The following KDM3B variants were observed in gnomAD, a reference collection of about 807,000 sequenced individuals.
KDM3B encodes the protein lysine demethylase 3B.
In KDM3B, 10 loss-of-function variants were observed where a neutral mutation model predicts 170.0. That is an observed-to-expected ratio of 0.06 (90% CI 0.04 to 0.10). KDM3B has a LOEUF of 0.10. Ranked by LOEUF, KDM3B falls within the 10% of genes least tolerant of loss-of-function variation. The pLI, the probability that KDM3B is intolerant of heterozygous loss-of-function variation, is 1.00. For synonymous variants in KDM3B, 831 were observed against 834.8 expected (o/e 1.00, Z 0.08); for missense variants, 1,394 against 2,195.2 (o/e 0.64, Z 7.29).
chr5:138,416,467 T>G (rs1302674865), intron 12 of KDM3B, among the ~76,000 whole-genome samples: 1 of 151,594 alleles, frequency 6.6e-6, no homozygotes, highest in Non-Finnish European at 1.5e-5. Flanking sequence ...TAAGCGCCTG[T>G]AATCCCAACT....
At chr5:138,362,967 A>G (rs780704175) in intron 1 of KDM3B, among the ~76,000 whole-genome samples, 13 of 151,546 alleles carry the variant, frequency 8.6e-5, no homozygotes, top group Non-Finnish European at 1.8e-4. Flanking sequence ...CTATAGAAAT[A>G]TAAGAAAACT....
chr5:138,421,254 A>G (rs1209959185), intron 15 of KDM3B, among the ~76,000 whole-genome samples: 1 of 152,116 alleles, frequency 6.6e-6, no homozygotes, highest in Non-Finnish European at 1.5e-5. Flanking sequence ...TTTAACCTGG[A>G]CAGTACATTT....
chr5:138,433,108 T>A (rs1289115314), intron 23 of KDM3B, among the ~76,000 whole-genome samples: 1 of 149,796 alleles, frequency 6.7e-6, no homozygotes, highest in Non-Finnish European at 1.5e-5. Context: ...GATGCACTTT[T>A]CCTTTCTTTT....
chr5:138,378,094 CTG>C (rs1243693611), intron 4 of KDM3B, among the ~76,000 whole-genome samples: 2 of 152,138 alleles, frequency 1.3e-5, no homozygotes, highest in East Asian at 1.9e-4. Context: ...AGAGGTGAGA[CTG>C]TGTTATTCTG....
At chr5:138,403,877 A>C (rs1762752883) in intron 11 of KDM3B, among the ~76,000 whole-genome samples, 2 of 151,844 alleles carry the variant, frequency 1.3e-5, no homozygotes, top group Non-Finnish European at 1.5e-5. Context: ...CATCTTATAA[A>C]TATGATTAAG....
intron 11 of KDM3B, among the ~76,000 whole-genome samples, chr5:138,402,456 T>C (rs1480648402): frequency 6.6e-6 from 1 of 152,212 alleles, no homozygotes; most frequent in African/African-American, 2.4e-5. Flanking sequence ...AGTTACTTAA[T>C]CCTGCAGAGC....
At chr5:138,389,273 G>A (rs992198808) in intron 7 of KDM3B, among the ~76,000 whole-genome samples, 7 of 152,198 alleles carry the variant, frequency 4.6e-5, no homozygotes, top group Non-Finnish European at 7.4e-5. Context: ...AGTCTCTGTA[G>A]CAGAGACAGA....
chr5:138,410,063 G>A (rs1176996335), intron 11 of KDM3B, among the ~76,000 whole-genome samples: 2 of 151,698 alleles, frequency 1.3e-5, no homozygotes, highest in Non-Finnish European at 2.9e-5. Context: ...CTCTAGCCTG[G>A]GCAATGAGCG....
Position 138,424,195 on chromosome 5 carries a change from G to A in KDM3B, c.4093G>A (p.Glu1365Lys), listed in dbSNP as rs576572451. ...CTGCAACTTGACTGATACCCAGAAG[G>A]AAGTGAAGGAGATGGTGATGGGGTT... ...RACNLTDTQKEVKEMVMGLNV... is the reference protein window; with the variant it reads ...RACNLTDTQKKVKEMVMGLNV... The change falls in exon 16 of 24, where the codon GAA becomes AAA. Residue 1365 changes from glutamate to lysine, a missense_variant. Around this residue, in one of 19 missense-constraint regions of KDM3B, gnomAD observed 137 missense variants for 166.9 expected, o/e 0.82. Coordinates refer to ENST00000314358, the MANE Select transcript of KDM3B (RefSeq NM_016604.4). 2.5e-6 allele frequency: 4 copies of A among 1,614,116 alleles called. No homozygotes were observed. Among genetic ancestry groups the A allele is most frequent in the Non-Finnish European group, 3.4e-6 (4 of 1,180,000 alleles).
intron 15 of KDM3B, among the ~76,000 whole-genome samples, chr5:138,422,536 A>C (rs1333292118): frequency 6.6e-6 from 1 of 152,150 alleles, no homozygotes; most frequent in African/African-American, 2.4e-5. Context: ...GCTACTCGGG[A>C]GGTTGAGGCA....
intron 17 of KDM3B, 37 bp from the exon 18 acceptor site, chr5:138,426,938 C>T (rs1561796085): frequency 1.3e-6 from 2 of 1,505,510 alleles, no homozygotes; most frequent in Admixed American, 1.7e-5. Context: ...ACCAGCCAAA[C>T]CAGCAGATGT....
intron 7 of KDM3B, among the ~76,000 whole-genome samples, chr5:138,390,084 C>T (rs1172148455): frequency 2.0e-5 from 3 of 151,986 alleles, no homozygotes; most frequent in African/African-American, 7.3e-5. Context: ...TGGTCTTGAC[C>T]TCCAGACCTC....
intron 9 of KDM3B, among the ~76,000 whole-genome samples, chr5:138,396,107 C>T (rs1286620596): frequency 6.6e-6 from 1 of 150,954 alleles, no homozygotes; most frequent in Non-Finnish European, 1.5e-5. Flanking sequence ...ATAGACAACT[C>T]TTCTTTTTTT....
intron 9 of KDM3B, among the ~76,000 whole-genome samples, chr5:138,394,464 G>GCT (rs1762503689): frequency 6.6e-6 from 1 of 152,200 alleles, no homozygotes; most frequent in Non-Finnish European, 1.5e-5. Context: ...GGATGCTAGA[G>GCT]AGGCTACAGT....
At chr5:138,398,099 C>A in intron 9 of KDM3B, 79 bp from the exon 10 acceptor site, 1 of 1,080,828 alleles carries the variant, frequency 9.3e-7, no homozygotes, top group Non-Finnish European at 1.4e-6. Context: ...CATTTTACTT[C>A]TGTTTAGGTC....
chr5:138,373,457 T>G (rs1014701777), intron 2 of KDM3B, among the ~76,000 whole-genome samples: 9 of 151,850 alleles, frequency 5.9e-5, no homozygotes, highest in African/African-American at 2.2e-4. Context: ...GGAGTGAAAA[T>G]AGCATTATAA....
intron 9 of KDM3B, among the ~76,000 whole-genome samples, chr5:138,396,708 G>GT (rs985260233): frequency 1.3e-5 from 2 of 152,010 alleles, no homozygotes; most frequent in African/African-American, 4.8e-5. Flanking sequence ...TGTGGAGGTT[G>GT]TTTTCTGGCT....
chr5:138,418,846 T>C (rs1374241778), intron 13 of KDM3B, 107 bp from the exon 14 acceptor site: 2 of 1,055,844 alleles, frequency 1.9e-6, no homozygotes, highest in Non-Finnish European at 2.8e-6. Flanking sequence ...CCAGTTTACA[T>C]GACAGATTAT....
intron 23 of KDM3B, 27 bp downstream of exon 23, chr5:138,431,586 T>C: frequency 6.4e-7 from 1 of 1,567,060 alleles, no homozygotes; most frequent in Admixed American, 1.8e-5. Flanking sequence ...TCTACCCCAC[T>C]CTGTCTTCTC....
Sources: allele counts gnomAD v4.1 joint callset (sites outside exome capture counted in the v4.1 genomes callset), GRCh38; gene constraint gnomAD v4.1.1; regional missense constraint gnomAD v4.1.1; transcripts MANE v1.5; gene names NCBI Gene and HGNC (gene_info 2026-07-23, HGNC 2026-07-21).